Variants in LRP6 observed in about 807,000 individuals in gnomAD.
The protein encoded by LRP6 is LDL receptor related protein 6, also known as low-density lipoprotein receptor-related protein 6.
In LRP6, 43 loss-of-function variants were observed where a neutral mutation model predicts 184.1. The observed-to-expected ratio is 0.23, with a 90% CI of 0.18 to 0.30. The LOEUF (loss-of-function observed/expected upper bound fraction) is 0.30. LRP6 is among the 10% of genes least tolerant of loss of function. The probability of loss-of-function intolerance (pLI) is 1.00; values close to 1 mark genes in which losing one functional copy is unlikely to be tolerated. For synonymous variants in LRP6, 719 were observed against 684.9 expected, an observed-to-expected ratio of 1.05 and a Z score of -0.78; for missense variants, 1,571 against 2,005.3, an observed-to-expected ratio of 0.78 and a Z score of 4.14.
At chr12:12,144,161 C>T (rs1355313579) in intron 15 of LRP6, among the ~76,000 whole-genome samples, 1 of 152,130 alleles carries the variant, frequency 6.6e-6, no homozygotes, top group Non-Finnish European at 1.5e-5. Flanking sequence ...GGATTCATAT[C>T]TAGAATGTAC....
chr12:12,205,165 C>T (rs1042144866), intron 2 of LRP6, among the ~76,000 whole-genome samples: 5 of 149,988 alleles, frequency 3.3e-5, no homozygotes, highest in African/African-American at 1.2e-4. Flanking sequence ...CCCATCTCTA[C>T]TAAAACTACA....
At position 12,117,703 on chromosome 12, in the gene LRP6, C is replaced by G. The variant is rs1362725965; in HGVS notation, c.*3423G>C. ...ACACTTCATTAACACACTAGGTAAG[C>G]TACAGCTATTAACTCTACTGGAAGT... On this transcript the variant is annotated 3_prime_UTR_variant, in exon 23 of 23. Coordinates refer to ENST00000261349, the MANE Select transcript of LRP6 (RefSeq NM_002336.3). The G allele has an allele frequency of 3.9e-5, 6 of 152,176 alleles. No individual in the cohort carries two copies. The highest frequency in any genetic ancestry group is 2.9e-5 in the Non-Finnish European group (2 of 68,024). 9.4% of individuals were successfully genotyped at this position (152,176 alleles called of 1,614,324 possible).
At chr12:12,179,528 G>C (rs1253924475) in intron 7 of LRP6, among the ~76,000 whole-genome samples, 1 of 152,112 alleles carries the variant, frequency 6.6e-6, no homozygotes, top group East Asian at 1.9e-4. Context: ...AATTCAGAAA[G>C]TGGCTTTACC....
chr12:12,203,182 T>G (rs1442735995), intron 3 of LRP6, 21 bp downstream of exon 3: 2 of 1,564,340 alleles, frequency 1.3e-6, no homozygotes, highest in Non-Finnish European at 1.7e-6. Flanking sequence ...TAAAAGTTTT[T>G]TCTAATTCTT....
intron 1 of LRP6, among the ~76,000 whole-genome samples, chr12:12,252,622 G>A (rs1865350964): frequency 6.6e-6 from 1 of 152,110 alleles, no homozygotes; most frequent in Admixed American, 6.5e-5. Flanking sequence ...ACAGTATAAT[G>A]TCATCAGTCA....
Position 12,151,035 on chromosome 12 carries a change from G to C in LRP6, c.2795C>G (p.Pro932Arg), listed in dbSNP as rs1297746929. Residue 932 changes from proline (P) to arginine (R), a missense_variant, in exon 13 of 23, where the codon CCT (proline) becomes CGT (arginine). Physicochemically the swap from Pro to Arg is moderately radical, Grantham distance 103 (BLOSUM62 -2). Transcript: ENST00000261349. ...LNADNRTCSAPTTFLLFSQKS... is the reference protein window; with the variant it reads ...LNADNRTCSARTTFLLFSQKS... ...TTGACTGAAGAGCAGGAAAGTCGTA[G>C]GAGCTTAAAAGGAAGAAAAGAGAAA... 1 of 1,613,700 alleles carries C rather than the reference G, an allele frequency of 6.2e-7. No individual in the cohort carries two copies. Among genetic ancestry groups the C allele is most frequent in the Non-Finnish European group, 8.5e-7 (1 of 1,179,770 alleles).
chr12:12,261,148 C>T (rs184938943), intron 1 of LRP6, among the ~76,000 whole-genome samples: 1 of 152,222 alleles, frequency 6.6e-6, no homozygotes, highest in East Asian at 1.9e-4. Flanking sequence ...TGGCCGGGCG[C>T]GGTGGCTCAC....
chr12:12,202,572 T>C (rs902335978), intron 3 of LRP6, among the ~76,000 whole-genome samples: 2 of 152,150 alleles, frequency 1.3e-5, no homozygotes, highest in African/African-American at 2.4e-5. Context: ...TAAATAAAGT[T>C]TTGCTGCAAC....
intron 1 of LRP6, among the ~76,000 whole-genome samples, chr12:12,256,107 T>C (rs897444299): frequency 1.3e-5 from 2 of 152,024 alleles, no homozygotes; most frequent in Non-Finnish European, 2.9e-5. Context: ...AACGAAGGAG[T>C]TGGCCCAGGT....
intron 1 of LRP6, among the ~76,000 whole-genome samples, chr12:12,265,419 A>T (rs1865731452): frequency 6.6e-6 from 1 of 152,196 alleles, no homozygotes; most frequent in African/African-American, 2.4e-5. Context: ...TCCAAAAAAA[A>T]ACTCAATCAT....
chr12:12,139,786 A>C (rs1006676568), intron 15 of LRP6, among the ~76,000 whole-genome samples: 9 of 152,192 alleles, frequency 5.9e-5, no homozygotes, highest in Non-Finnish European at 1.0e-4. Context: ...AGGACAAAGA[A>C]GGCAGAAGAA....
chr12:12,184,102 G>A lies in LRP6; in HGVS notation c.854C>T (p.Pro285Leu). ...SQQRQPNATN[P>L]CGIDNGGCSH... is the part of the protein sequence containing the mutation. ...ACAACCCCCATTGTCAATTCCACATGGATTTGTGGCTGTCAAATATAAATC... is the reference window on the plus strand; with the variant it reads ...ACAACCCCCATTGTCAATTCCACATAGATTTGTGGCTGTCAAATATAAATC... Residue 285 changes from proline (P) to leucine (L), a missense_variant, in exon 5 of 23, where the codon CCA (proline) becomes CTA (leucine). Physicochemically the swap from Pro to Leu is moderately conservative, Grantham distance 98 (BLOSUM62 -3). Coordinates refer to ENST00000261349, the MANE Select transcript of LRP6 (RefSeq NM_002336.3). 6.2e-7 allele frequency: 1 copy of A among 1,613,218 alleles called. No homozygotes were observed. The highest frequency in any genetic ancestry group is 8.5e-7 in the Non-Finnish European group (1 of 1,179,318).
chr12:12,213,416 T>G (rs527791231), intron 2 of LRP6, among the ~76,000 whole-genome samples: 10 of 152,268 alleles, frequency 6.6e-5, no homozygotes, highest in African/African-American at 2.4e-4. Flanking sequence ...AACATTTTTC[T>G]TATTAATTTG....
chr12:12,155,852 T>G, intron 12 of LRP6: 1 of 648,270 alleles, frequency 1.5e-6, no homozygotes, highest in East Asian at 2.7e-5. Flanking sequence ...GTCACAAAGC[T>G]GTTGGGTAAA....
At chr12:12,240,331 TG>T (rs1865031512) in intron 2 of LRP6, among the ~76,000 whole-genome samples, 1 of 152,184 alleles carries the variant, frequency 6.6e-6, no homozygotes, top group Admixed American at 6.5e-5. Context: ...GCCAGCACTT[TG>T]GGAGGCCGAG....
intron 13 of LRP6, among the ~76,000 whole-genome samples, chr12:12,149,537 C>T (rs898458046): frequency 1.3e-5 from 2 of 152,190 alleles, no homozygotes; most frequent in African/African-American, 4.8e-5. Context: ...AATATTGCCC[C>T]GCCATGGGCA....
At chr12:12,146,972 G>A (rs1043255387) in intron 15 of LRP6, among the ~76,000 whole-genome samples, 2 of 152,190 alleles carry the variant, frequency 1.3e-5, no homozygotes, top group Non-Finnish European at 2.9e-5. Context: ...CTAACACGGT[G>A]AAACCCTGTC....
chr12:12,180,908 T>C, intron 6 of LRP6, 135 bp downstream of exon 6: 1 of 907,480 alleles, frequency 1.1e-6, no homozygotes, highest in Middle Eastern at 2.2e-4. Context: ...AATCACCATA[T>C]CCTAAAATAG....
At chr12:12,233,384 C>T (rs937465187) in intron 2 of LRP6, among the ~76,000 whole-genome samples, 1 of 152,122 alleles carries the variant, frequency 6.6e-6, no homozygotes, top group Non-Finnish European at 1.5e-5. Flanking sequence ...AGGAGAATGG[C>T]GTGAACCCGG....
Sources: gnomAD v4.1 joint callset for allele counts (sites outside exome capture counted in the v4.1 genomes callset) on GRCh38, gnomAD v4.1.1 for gene constraint, MANE v1.5 for transcripts, NCBI Gene and HGNC (gene_info 2026-07-23, HGNC 2026-07-21) for gene names.